The following SLC44A4 variants were observed in gnomAD, a reference collection of about 807,000 sequenced individuals.
SLC44A4 encodes choline transporter-like protein 4.
A neutral mutation model predicts 97.0 loss-of-function variants in SLC44A4; 74 were observed. The observed-to-expected ratio is 0.76, with a 90% CI of 0.63 to 0.93. The LOEUF (loss-of-function observed/expected upper bound fraction) is 0.93, where lower values mean the gene tolerates loss of function less well. Ranked by LOEUF, SLC44A4 falls within the 40% of genes least tolerant of loss-of-function variation. The probability of loss-of-function intolerance (pLI) is 0.00; values close to 1 mark genes in which losing one functional copy is unlikely to be tolerated. For synonymous variants in SLC44A4, 325 were observed against 363.8 expected (o/e 0.89, Z 1.21); for missense variants, 799 against 902.9 (o/e 0.88, Z 1.48).
At position 31,871,492 on chromosome 6, in the gene SLC44A4, G is replaced by T; in HGVS notation, c.599C>A (p.Thr200Asn). The T allele has an allele frequency of 6.2e-7, 1 of 1,614,038 alleles. No homozygotes were observed. Among genetic ancestry groups the T allele is most frequent in the Non-Finnish European group, 8.5e-7 (1 of 1,179,936 alleles). Residue 200 changes from threonine (T) to asparagine (N), a missense_variant, in exon 8 of 21, where the codon ACC (threonine) becomes AAC (asparagine). By Grantham distance (65) the Thr-to-Asn change is moderately conservative. Coordinates refer to ENST00000229729, the MANE Select transcript of SLC44A4 (RefSeq NM_025257.3). The stretch of plus-strand genomic sequence containing the variant: ...TGCCTACCTGATCCCCTGCTGTATG[G>T]TGGTGTCATTGGTGATCCCTGGGAG... ...PALPGITNDT[T>N]IQQGISGLID...
intron 13 of SLC44A4, among the ~76,000 whole-genome samples, chr6:31,867,565 TA>T (rs899504836): frequency 2.5e-4 from 37 of 146,838 alleles, no homozygotes; most frequent in East Asian, 1.0e-3. Flanking sequence ...CGCCATCTCT[TA>T]AAAAAAAAAA....
chr6:31,870,543 C>A, intron 11 of SLC44A4, 60 bp downstream of exon 11: 1 of 1,407,736 alleles, frequency 7.1e-7, no homozygotes, highest in South Asian at 1.2e-5. Flanking sequence ...CCCTAGGTCC[C>A]CTAGCACTCC....
In SLC44A4 at chr6:31,865,939, C is replaced by T. The variant is rs543286306; in HGVS notation, c.1421G>A (p.Trp474Ter). 11 of 1,614,156 alleles carry T rather than the reference C, an allele frequency of 6.8e-6. No homozygotes were observed. In the South Asian group the frequency reaches 1.1e-4, roughly 16 times the overall value. The part of the protein sequence containing the change: ...VLAGAFASFY[W>*]AFHKPQDIPT... ...GATGTCCTGGGGCTTGTGGAAGGCC[C>T]AGTAGAAGGAGGCAAAGGCTCCAGC... is the stretch of plus-strand genomic sequence containing the variant. Residue 474 changes from tryptophan (W) to a stop codon, truncating the protein, a stop_gained, in exon 14 of 21, where the codon TGG (tryptophan) becomes TAG (stop). Transcript: ENST00000229729. LOFTEE classifies it high-confidence loss of function. This position sits in a 1 kb window ranked among gnomAD's most constrained non-coding sequence, Gnocchi z 5.2.
Position 31,878,885 on chromosome 6 carries a change from C to T in SLC44A4, c.40+56G>A. On this transcript the variant is annotated intron_variant, in intron 1 of 20. Transcript: ENST00000229729. This position sits in a 1 kb window ranked among gnomAD's most constrained non-coding sequence, Gnocchi z 4.0. ...TGGAGCCAGCCCCAGACACCATTCC[C>T]AAAGTACCCGTCCTCCCCTCCCTCC... 1 of 1,591,398 alleles carries T rather than the reference C, an allele frequency of 6.3e-7. No individual in the cohort carries two copies.
Position 31,874,828 on chromosome 6 carries a change from G to T in SLC44A4, c.361C>A (p.Pro121Thr). The stretch of plus-strand genomic sequence containing the variant: ...TTTCCCACAGTCCATGGGTCCTCCG[G>T]GCAGGAGGACACACACACCTGGGTG... ...PTPQVCVSSC[P>T]EDPWTVGKNE... Residue 121 changes from proline to threonine, a missense_variant, in exon 6 of 21, where the codon CCG (proline) becomes ACG (threonine). Physicochemically the swap from Pro to Thr is conservative, Grantham distance 38 (BLOSUM62 -1). Transcript: ENST00000229729. The surrounding 1 kb of genome is among the most constrained non-coding windows in gnomAD (Gnocchi z 4.8). 1 of 1,613,104 alleles carries T rather than the reference G, an allele frequency of 6.2e-7. No individual in the cohort carries two copies. Among genetic ancestry groups the T allele is most frequent in the Non-Finnish European group, 8.5e-7 (1 of 1,179,596 alleles).
In SLC44A4 at chr6:31,871,358, A is replaced by C; in HGVS notation, c.657T>G (p.Val219=). ...IDSLNARDIS[V]KIFEDFAQSW... Reference sequence around the variant, plus strand: ...ACTGGGCAAAATCTTCAAAGATCTTAACACTGATGTCTCGGGCATTGAGGC... The same window carrying C: ...ACTGGGCAAAATCTTCAAAGATCTTCACACTGATGTCTCGGGCATTGAGGC... The change falls in exon 9 of 21, where the codon GTT becomes GTG. Residue 219 remains valine, a synonymous_variant. Coordinates refer to ENST00000229729, the MANE Select transcript of SLC44A4 (RefSeq NM_025257.3). 2 of 1,614,180 alleles carry C rather than the reference A, an allele frequency of 1.2e-6. No individual in the cohort carries two copies. Among genetic ancestry groups the C allele is most frequent in the African/African-American group, 2.7e-5 (2 of 75,042 alleles).
At chr6:31,864,309 A>G (rs1011623385) in intron 20 of SLC44A4, among the ~76,000 whole-genome samples, 10 of 152,136 alleles carry the variant, frequency 6.6e-5, no homozygotes, top group African/African-American at 2.4e-4. Flanking sequence ...TCCTGACCTC[A>G]GGGTGATCTG....
chr6:31,874,875 G>A lies in SLC44A4; in HGVS notation c.343-29C>T, dbSNP rs575746562. 25 of 1,613,150 alleles carry A rather than the reference G, an allele frequency of 1.5e-5. No individual in the cohort carries two copies. The South Asian group carries it at 2.7e-4, about 18-fold the overall frequency. ...GGTGCAGAGAGAACACTAAGGGGCT[G>A]GAACCTGAGACCCTGGGTGAGATCT... On this transcript the variant is annotated intron_variant, in intron 5 of 20. Transcript: ENST00000229729. This position sits in a 1 kb window ranked among gnomAD's most constrained non-coding sequence, Gnocchi z 4.8.
In SLC44A4 at chr6:31,865,984, G is replaced by T. The variant is rs576898833; in HGVS notation, c.1376C>A (p.Ala459Asp). ...GLFWTLNWVL[A>D]LGQCVLAGAF... The stretch of plus-strand genomic sequence containing the variant: ...TCCAGCGAGGACGCATTGGCCCAGG[G>T]CCAGTACCCAGTTAAGGGTCCAGAA... Residue 459 changes from alanine (A) to aspartate (D), a missense_variant, in exon 14 of 21, where the codon GCC (alanine) becomes GAC (aspartate). Physicochemically the swap from Ala to Asp is moderately radical, Grantham distance 126. Transcript: ENST00000229729. This position sits in a 1 kb window ranked among gnomAD's most constrained non-coding sequence, Gnocchi z 5.2. 1.2e-6 allele frequency: 2 copies of T among 1,614,222 alleles called. No homozygotes were observed. The highest frequency in any genetic ancestry group is 2.2e-5 in the South Asian group (2 of 91,086).
At chr6:31,871,592 G>C (rs1207927865) in intron 7 of SLC44A4, 31 bp from the exon 8 acceptor site, 3 of 1,569,490 alleles carry the variant, frequency 1.9e-6, no homozygotes, top group Non-Finnish European at 2.6e-6. Flanking sequence ...GCTGGGTTGG[G>C]GGCCAGGAGC....
intron 13 of SLC44A4, among the ~76,000 whole-genome samples, chr6:31,867,759 A>T (rs1374001726): frequency 2.6e-5 from 4 of 151,370 alleles, no homozygotes; most frequent in Non-Finnish European, 5.9e-5. Flanking sequence ...AAAGAACCAC[A>T]TCATTTTGGG....
chr6:31,870,875 G>A lies in SLC44A4; in HGVS notation c.874C>T (p.Gln292Ter). ...CTGAGGTTGGTGGTGAAACCCAGCT[G>A]GGAGATGGAGGCGCCCTTGTCCCGC... ...VLRDKGASISQLGFTTNLSAY... is the reference protein window; with the variant it reads ...VLRDKGASIS Residue 292 changes from glutamine to a stop codon, truncating the protein, a stop_gained, in exon 10 of 21, where the codon CAG becomes TAG. Coordinates refer to ENST00000229729, the MANE Select transcript of SLC44A4 (RefSeq NM_025257.3). LOFTEE classifies it high-confidence loss of function. The A allele has an allele frequency of 6.2e-7, 1 of 1,613,048 alleles. No individual in the cohort carries two copies. Among genetic ancestry groups the A allele is most frequent in the Non-Finnish European group, 8.5e-7 (1 of 1,180,000 alleles).
chr6:31,869,042 G>T, intron 13 of SLC44A4, 113 bp downstream of exon 13: 1 of 814,728 alleles, frequency 1.2e-6, no homozygotes, highest in Non-Finnish European at 1.9e-6. Context: ...GTGTGACCTT[G>T]CACAAGTTTC....
Position 31,865,092 on chromosome 6 carries a change from G to A in SLC44A4, c.1761-12C>T, listed in dbSNP as rs1462081193. ...CCAGGACGACCACCCTGTGCCAGAA[G>A]TTAGGGCAGGTTGAGGGTGAGAGGC... On this transcript the variant is annotated splice_polypyrimidine_tract_variant and intron_variant, in intron 17 of 20. Transcript: ENST00000229729. This position sits in a 1 kb window ranked among gnomAD's most constrained non-coding sequence, Gnocchi z 5.2. The A allele has an allele frequency of 1.2e-6, 2 of 1,613,350 alleles. No homozygotes were observed. The highest frequency in any genetic ancestry group is 1.7e-6 in the Non-Finnish European group (2 of 1,180,024).
intron 7 of SLC44A4, among the ~76,000 whole-genome samples, chr6:31,872,569 A>G (rs775889064): frequency 6.6e-6 from 1 of 151,836 alleles, no homozygotes; most frequent in Non-Finnish European, 1.5e-5. Flanking sequence ...TTCTCACTCT[A>G]TTGCCCAGGC....
intron 7 of SLC44A4, among the ~76,000 whole-genome samples, chr6:31,872,087 C>G (rs1464095149): frequency 6.6e-6 from 1 of 152,142 alleles, no homozygotes; most frequent in Non-Finnish European, 1.5e-5. Flanking sequence ...CTGTTCAAAT[C>G]CAGCTCCATC....
At chr6:31,871,757 C>T (rs1413235243) in intron 7 of SLC44A4, among the ~76,000 whole-genome samples, 196 bp from the exon 8 acceptor site, 2 of 152,234 alleles carry the variant, frequency 1.3e-5, no homozygotes, top group Middle Eastern at 3.4e-3. Flanking sequence ...CCCTCCCTGT[C>T]GTGCCTTGGT....
At chr6:31,869,994 A>G (rs1166151965) in intron 11 of SLC44A4, among the ~76,000 whole-genome samples, 1 of 151,794 alleles carries the variant, frequency 6.6e-6, no homozygotes, top group Non-Finnish European at 1.5e-5. Flanking sequence ...CAAAAAAAAA[A>G]AAAGGGGGGG....
chr6:31,869,135 T>C lies in SLC44A4; in HGVS notation c.1233+20A>G, dbSNP rs760497791. On this transcript the variant is annotated intron_variant, in intron 13 of 20. Transcript: ENST00000229729. Reference sequence around the variant, plus strand: ...CTCACCCCTACTAGTCCCGCCTCCATGTCCCCTGCTTCCTCTTACCGTGGG... The same window carrying C: ...CTCACCCCTACTAGTCCCGCCTCCACGTCCCCTGCTTCCTCTTACCGTGGG... 9.5e-6 allele frequency: 15 copies of C among 1,586,344 alleles called. No homozygotes were observed. The Admixed American group carries it at 1.7e-4, about 18-fold the overall frequency.
Sources: gnomAD v4.1 joint callset for allele counts (sites outside exome capture counted in the v4.1 genomes callset) on GRCh38, gnomAD v4.1.1 for gene constraint, Gnocchi (gnomAD v3.1) non-coding constraint, MANE v1.5 for transcripts, NCBI Gene and HGNC (gene_info 2026-07-23, HGNC 2026-07-21) for gene names.